Variants in SESN1 observed in about 807,000 individuals in gnomAD.
SESN1 encodes the protein sestrin-1.
In SESN1, 30 loss-of-function variants were observed where a neutral mutation model predicts 59.3. The observed-to-expected ratio is 0.51, with a 90% CI of 0.38 to 0.69. SESN1 has a LOEUF of 0.69. Among genes scored for constraint, SESN1 ranks in the 30% least tolerant of loss-of-function variants. SESN1 has a pLI of 0.00. For missense variants in SESN1, 566 were observed against 673.0 expected (o/e 0.84, Z 1.76); for synonymous variants, 197 against 219.9 (o/e 0.90, Z 0.92).
At chr6:109,039,098 GGGAGGAGAAGGAGAAGGAA>G (rs1271246549) in intron 1 of SESN1, among the ~76,000 whole-genome samples, 3 of 149,006 alleles carry the variant, frequency 2.0e-5, no homozygotes, top group East Asian at 4.0e-4. Context: ...AGGAGAAGGA[GGGAGGAGAAGGAGAAGGAA>G]GGAGGAGAAG....
chr6:109,036,803 A>T (rs533531012), intron 1 of SESN1, among the ~76,000 whole-genome samples: 20 of 152,304 alleles, frequency 1.3e-4, no homozygotes, highest in Non-Finnish European at 2.8e-4. Flanking sequence ...GTAGAGTATC[A>T]TATGTTCACT....
chr6:109,081,534 C>G (rs1781121997), intron 1 of SESN1, among the ~76,000 whole-genome samples: 2 of 152,126 alleles, frequency 1.3e-5, no homozygotes, highest in Admixed American at 1.3e-4. Context: ...ATGAAAAGGG[C>G]TAAGGGTTAG....
At chr6:108,994,649 T>G (rs1013466257) in intron 5 of SESN1, 40 bp from the exon 6 acceptor site, 2 of 1,468,364 alleles carry the variant, frequency 1.4e-6, no homozygotes, top group African/African-American at 1.4e-5. Flanking sequence ...GTGGCAGACA[T>G]AGAATATATA....
At chr6:109,012,497 TA>T (rs1779875809) in intron 1 of SESN1, among the ~76,000 whole-genome samples, 1 of 152,202 alleles carries the variant, frequency 6.6e-6, no homozygotes, top group African/African-American at 2.4e-5. Flanking sequence ...ATAATCTATG[TA>T]AAAGCAGAGT....
chr6:109,071,510 T>C (rs150737836), intron 1 of SESN1, among the ~76,000 whole-genome samples: 3 of 152,092 alleles, frequency 2.0e-5, no homozygotes, highest in Admixed American at 6.6e-5. Context: ...AATCGGGATA[T>C]GGACCCCGGC....
At position 108,986,546 on chromosome 6, in the gene SESN1, C is replaced by CTGTT. The variant is rs1266457038; in HGVS notation, c.*994_*997dup. The CTGTT allele has an allele frequency of 3.3e-5, 5 of 152,616 alleles. No individual in the cohort carries two copies. The highest frequency in any genetic ancestry group is 3.8e-4 in the East Asian group (2 of 5,202). 9.5% of individuals were successfully genotyped at this position (152,616 alleles called of 1,614,324 possible). A position where few individuals can be genotyped will look rare whatever the true frequency, so the allele number is the denominator to read the frequency against. On this transcript the variant is annotated 3_prime_UTR_variant, in exon 10 of 10. Transcript: ENST00000436639. ...AAGTACTTAATACATATTTTCAAAC[C>CTGTT]TGTTTGCATTTCAAACAAAGTTAGC...
At chr6:108,998,475 A>C (rs1325036924) in intron 5 of SESN1, 38 bp downstream of exon 5, 1 of 1,608,538 alleles carries the variant, frequency 6.2e-7, no homozygotes, top group Non-Finnish European at 8.5e-7. Context: ...AATTATTGTG[A>C]TTAGTTTTAT....
intron 1 of SESN1, among the ~76,000 whole-genome samples, chr6:109,078,133 T>A (rs1293800173): frequency 2.0e-5 from 3 of 152,136 alleles, no homozygotes; most frequent in Non-Finnish European, 4.4e-5. Flanking sequence ...TTATTTCTTT[T>A]CCTATACATA....
At chr6:109,052,719 AT>A (rs1780560522) in intron 1 of SESN1, among the ~76,000 whole-genome samples, 1 of 152,196 alleles carries the variant, frequency 6.6e-6, no homozygotes, top group Non-Finnish European at 1.5e-5. Flanking sequence ...TGAATTTGTG[AT>A]TTATAGGCTT....
chr6:109,009,010 T>C lies in SESN1; in HGVS notation c.280-6667A>G, dbSNP rs377003276. ...TTCACCCTCAAGACTCGAGGTCTGC[T>C]GGATTTCTGACTTGTGGAGACTTGT... is the stretch of plus-strand genomic sequence containing the variant. On this transcript the variant is annotated intron_variant, in intron 1 of 9. Coordinates refer to ENST00000436639, the MANE Select transcript of SESN1 (RefSeq NM_014454.3). 6 of 1,026,588 alleles carry C rather than the reference T, an allele frequency of 5.8e-6. No homozygotes were observed. In the East Asian group the frequency reaches 3.2e-4, roughly 54 times the overall value. The allele number at this position is 1,026,588 out of a possible 1,614,324, so 63.6% of individuals were successfully genotyped here. A position where few individuals can be genotyped will look rare whatever the true frequency, so the allele number is the denominator to read the frequency against.
intron 8 of SESN1, 108 bp downstream of exon 8, chr6:108,990,537 G>A: frequency 1.1e-6 from 1 of 943,684 alleles, no homozygotes; most frequent in East Asian, 2.4e-5. Flanking sequence ...TATTGGGGAG[G>A]GGATGGGTTT....
chr6:109,090,576 G>A (rs1465252901), intron 1 of SESN1: 1 of 152,164 alleles, frequency 6.6e-6, no homozygotes, highest in Admixed American at 6.5e-5. Flanking sequence ...AAATCATAAT[G>A]AAGAGATCAT....
intron 1 of SESN1, among the ~76,000 whole-genome samples, chr6:109,085,209 G>C (rs1781192847): frequency 6.6e-6 from 1 of 151,844 alleles, no homozygotes; most frequent in Non-Finnish European, 1.5e-5. Context: ...AATTTCTAGT[G>C]TGTCAATGCC....
intron 1 of SESN1, among the ~76,000 whole-genome samples, chr6:109,088,544 G>A (rs1487381610): frequency 6.6e-6 from 1 of 152,060 alleles, no homozygotes; most frequent in Non-Finnish European, 1.5e-5. Flanking sequence ...CCAAAGATAA[G>A]TATTTTGTTG....
chr6:109,015,621 T>A (rs1779916772), intron 1 of SESN1, among the ~76,000 whole-genome samples: 1 of 152,054 alleles, frequency 6.6e-6, no homozygotes, highest in African/African-American at 2.4e-5. Flanking sequence ...CTGAGTTAAA[T>A]AAGAAGGAAT....
chr6:109,051,183 A>G (rs1780535703), intron 1 of SESN1, among the ~76,000 whole-genome samples: 1 of 152,210 alleles, frequency 6.6e-6, no homozygotes, highest in Admixed American at 6.5e-5. Flanking sequence ...CTCATTTCAG[A>G]AATCAGTTTC....
At position 109,004,760 on chromosome 6, in the gene SESN1, A is replaced by C. The variant is rs553899522; in HGVS notation, c.280-2417T>G. 3.1e-3 allele frequency among the ~76,000 whole-genome samples: 362 copies of C among 115,400 alleles called. 1 individual carries two copies. The highest frequency in any genetic ancestry group is 0.012 in the African/African-American group (345 of 29,250). 75.7% of individuals were successfully genotyped at this position (115,400 alleles called of 152,430 possible). The stretch of plus-strand genomic sequence containing the variant: ...CGTATTTTAAAAATGAGCAAACAAC[A>C]CAGTTCAAGGAAAAGAAAATACAAA... On this transcript the variant is annotated intron_variant, in intron 1 of 9. Transcript: ENST00000436639.
In SESN1 at chr6:109,026,314, GA is replaced by G. The variant is rs1358852122; in HGVS notation, c.280-23972del. 2.0e-5 allele frequency among the ~76,000 whole-genome samples: 3 copies of G among 152,092 alleles called. No homozygotes were observed. In the South Asian group the frequency reaches 6.2e-4, roughly 31 times the overall value. On this transcript the variant is annotated intron_variant, in intron 1 of 9. Transcript: ENST00000436639. ...GCAAAATGATCTCAGAAGGAAGTGT[GA>G]AAAAGACCAAAGAACAGTCAACAAA...
At chr6:108,990,227 A>AG (rs1779341899) in intron 8 of SESN1, among the ~76,000 whole-genome samples, 1 of 152,366 alleles carries the variant, frequency 6.6e-6, no homozygotes, top group Non-Finnish European at 1.5e-5. Context: ...TATGAGAGCA[A>AG]GTACTCCTCA....
Sources: gnomAD v4.1 joint callset for allele counts (sites outside exome capture counted in the v4.1 genomes callset) on GRCh38, gnomAD v4.1.1 for gene constraint, MANE v1.5 for transcripts, NCBI Gene and HGNC (gene_info 2026-07-23, HGNC 2026-07-21) for gene names.